The following RGL1 variants were observed in gnomAD, a reference collection of about 807,000 sequenced individuals.
RGL1 encodes ral guanine nucleotide dissociation stimulator-like 1.
A neutral mutation model predicts 95.2 loss-of-function variants in RGL1; 24 were observed. The ratio of observed to expected loss-of-function variants is 0.25; its 90% CI spans 0.18 to 0.35. The LOEUF is 0.35. Ranked by LOEUF, RGL1 falls within the 10% of genes least tolerant of loss-of-function variation. The pLI is 1.00. For missense variants in RGL1, 715 were observed against 936.3 expected, an observed-to-expected ratio of 0.76 and a Z score of 3.08; for synonymous variants, 329 against 344.9, an observed-to-expected ratio of 0.95 and a Z score of 0.51.
intron 3 of RGL1, among the ~76,000 whole-genome samples, chr1:183,858,466 A>G (rs980696694): frequency 6.6e-5 from 10 of 152,334 alleles, no homozygotes; most frequent in African/African-American, 2.4e-4. Flanking sequence ...ATTATGAATG[A>G]GAGGTGGGCA....
At chr1:183,702,603 A>G (rs1654665746) in intron 1 of RGL1, among the ~76,000 whole-genome samples, 1 of 152,162 alleles carries the variant, frequency 6.6e-6, no homozygotes, top group Non-Finnish European at 1.5e-5. Context: ...ACTGGCTGTC[A>G]GGCGTGTCTG....
At chr1:183,662,964 G>T (rs1651755266) in intron 1 of RGL1, among the ~76,000 whole-genome samples, 1 of 152,116 alleles carries the variant, frequency 6.6e-6, no homozygotes, top group Non-Finnish European at 1.5e-5. Flanking sequence ...AATGGGGAAA[G>T]GATTCCCTAT....
Position 183,787,832 on chromosome 1 carries a change from A to C in RGL1, c.133-18543A>C, listed in dbSNP as rs546109300. 1.4e-3 allele frequency among the ~76,000 whole-genome samples: 220 copies of C among 151,982 alleles called. 1 individual carries two copies. Among genetic ancestry groups the C allele is most frequent in the African/African-American group, 3.8e-3 (157 of 41,470 alleles). The stretch of plus-strand genomic sequence containing the variant: ...TTGTTAAAAAAAACAAAAACAAAAA[A>C]AAAAGAGCCTGGCACCTCCCCGCTG... On this transcript the variant is annotated intron_variant, in intron 2 of 18. Transcript: ENST00000304685.
At chr1:183,655,112 TA>T (rs796740549) in intron 1 of RGL1, among the ~76,000 whole-genome samples, 13 of 152,372 alleles carry the variant, frequency 8.5e-5, no homozygotes, top group African/African-American at 2.9e-4. Context: ...TTATGATGTA[TA>T]TTATTTATGT....
chr1:183,735,458 A>G (rs1378706882), intron 1 of RGL1, among the ~76,000 whole-genome samples: 1 of 152,218 alleles, frequency 6.6e-6, no homozygotes, highest in Non-Finnish European at 1.5e-5. Flanking sequence ...AAAAAATTGA[A>G]GCAGTGTAAC....
chr1:183,650,359 T>A (rs746497057), intron 1 of RGL1, among the ~76,000 whole-genome samples: 1 of 152,040 alleles, frequency 6.6e-6, no homozygotes, highest in African/African-American at 2.4e-5. Flanking sequence ...CTGGCTAACA[T>A]GGTGAAACCC....
At chr1:183,767,429 C>T (rs897546296) in intron 2 of RGL1, among the ~76,000 whole-genome samples, 15 of 152,124 alleles carry the variant, frequency 9.9e-5, no homozygotes, top group South Asian at 2.1e-4. Context: ...AATACAAAAG[C>T]ACGTGACGGA....
intron 4 of RGL1, among the ~76,000 whole-genome samples, chr1:183,876,309 G>A (rs1031471590): frequency 6.6e-6 from 1 of 152,266 alleles, no homozygotes; most frequent in Non-Finnish European, 1.5e-5. Context: ...ATCTGAGCAT[G>A]TCTTCCTTCC....
intron 2 of RGL1, among the ~76,000 whole-genome samples, chr1:183,791,358 G>T (rs376719086): frequency 6.6e-6 from 1 of 152,170 alleles, no homozygotes; most frequent in African/African-American, 2.4e-5. Flanking sequence ...GTGTCTCTGT[G>T]TGAGTAGTTA....
Position 183,884,704 on chromosome 1 carries a change from AGTTCCTCTTTT to A in RGL1, c.736-13_736-3del. On this transcript the variant is annotated splice_region_variant and splice_polypyrimidine_tract_variant and intron_variant, in intron 6 of 17. Transcript: ENST00000360851. The stretch of plus-strand genomic sequence containing the variant: ...AAATGTCTGTGTTGTCCTTAAAGTC[AGTTCCTCTTTT>A]GTTCCAGCAACTCTTCAAGAAAGTA... The A allele has an allele frequency of 6.2e-7, 1 of 1,608,958 alleles. No individual in the cohort carries two copies. Among genetic ancestry groups the A allele is most frequent in the Non-Finnish European group, 8.5e-7 (1 of 1,175,462 alleles).
At chr1:183,882,818 T>C (rs1444075819) in intron 5 of RGL1, among the ~76,000 whole-genome samples, 5 of 152,206 alleles carry the variant, frequency 3.3e-5, no homozygotes, top group Non-Finnish European at 7.3e-5. Flanking sequence ...TGCCCAATAG[T>C]CTTTAATTCT....
Position 183,748,394 on chromosome 1 carries a change from CTTTTTTTTTTTTTTTTTT to C in RGL1, c.132+6117_132+6134del, listed in dbSNP as rs56920504. 2.6e-4 allele frequency among the ~76,000 whole-genome samples: 18 copies of C among 69,680 alleles called. 1 individual carries two copies. The highest frequency in any genetic ancestry group is 1.0e-3 in the African/African-American group (15 of 15,056). The allele number at this position is 69,680 out of a possible 152,430, so 45.7% of individuals were successfully genotyped here. On this transcript the variant is annotated intron_variant, in intron 2 of 18. Transcript: ENST00000304685. ...TTTGAATTTGTTTGCTTCTCTAGTT[CTTTTTTTTTTTTTTTTTT>C]TTTTTTTTTTTGAGACGGAGTCTCG... is the stretch of plus-strand genomic sequence containing the variant.
chr1:183,885,960 T>C (rs542950464), intron 7 of RGL1, among the ~76,000 whole-genome samples: 2 of 152,148 alleles, frequency 1.3e-5, no homozygotes, highest in East Asian at 1.9e-4. Context: ...TTTTTTTTTT[T>C]CTAGGCAAAA....
intron 1 of RGL1, among the ~76,000 whole-genome samples, chr1:183,641,343 C>A (rs1424236733): frequency 6.6e-6 from 1 of 152,174 alleles, no homozygotes; most frequent in Non-Finnish European, 1.5e-5. Context: ...CTCTATTGCC[C>A]AGGCTGGTCT....
chr1:183,881,001 G>A (rs1274954790), intron 5 of RGL1, among the ~76,000 whole-genome samples: 1 of 151,980 alleles, frequency 6.6e-6, no homozygotes, highest in Non-Finnish European at 1.5e-5. Flanking sequence ...GACAGAGAAG[G>A]GTATTTTCAA....
chr1:183,869,527 T>A (rs953014228), intron 4 of RGL1, among the ~76,000 whole-genome samples: 1 of 152,220 alleles, frequency 6.6e-6, no homozygotes, highest in African/African-American at 2.4e-5. Flanking sequence ...TATCTTATAA[T>A]GGGTCGCTCT....
At chr1:183,686,193 A>G (rs1264385484) in intron 1 of RGL1, among the ~76,000 whole-genome samples, 6 of 152,050 alleles carry the variant, frequency 3.9e-5, no homozygotes, top group Admixed American at 3.9e-4. Flanking sequence ...CTTTTGTGTC[A>G]CTTTCTTTTT....
At chr1:183,711,440 T>A (rs1164375724) in intron 1 of RGL1, among the ~76,000 whole-genome samples, 1 of 152,128 alleles carries the variant, frequency 6.6e-6, no homozygotes, top group Non-Finnish European at 1.5e-5. Context: ...CACCCACCAC[T>A]GCACTTAATG....
chr1:183,821,147 A>AATG (rs1662462931), intron 2 of RGL1, among the ~76,000 whole-genome samples: 1 of 151,928 alleles, frequency 6.6e-6, no homozygotes, highest in African/African-American at 2.4e-5. Context: ...TAATAATAAT[A>AATG]ATAATAATAA....
Sources: gnomAD v4.1 joint callset for allele counts (sites outside exome capture counted in the v4.1 genomes callset) on GRCh38, gnomAD v4.1.1 for gene constraint, MANE v1.5 for transcripts, NCBI Gene and HGNC (gene_info 2026-07-23, HGNC 2026-07-21) for gene names.